SLAMF1: variants seen among roughly 807,000 people sequenced by gnomAD.
SLAMF1 encodes the protein signaling lymphocytic activation molecule family member 1.
A neutral mutation model predicts 35.1 loss-of-function variants in SLAMF1; 18 were observed. That is an observed-to-expected ratio of 0.51 (90% CI 0.35 to 0.76). The LOEUF (loss-of-function observed/expected upper bound fraction) is 0.76, where lower values mean the gene tolerates loss of function less well. Ranked by LOEUF, SLAMF1 falls within the 30% of genes least tolerant of loss-of-function variation. SLAMF1 has a pLI of 0.01. For synonymous variants in SLAMF1, 168 were observed against 157.2 expected, an observed-to-expected ratio of 1.07 and a Z score of -0.51; for missense variants, 392 against 413.0, an observed-to-expected ratio of 0.95 and a Z score of 0.44.
At chr1:160,637,770 G>A (rs1487155695) in intron 1 of SLAMF1, among the ~76,000 whole-genome samples, 3 of 152,186 alleles carry the variant, frequency 2.0e-5, no homozygotes, top group Non-Finnish European at 4.4e-5. Context: ...ATTAACTAGA[G>A]TACTGGGTCT....
At chr1:160,630,968 T>A (rs1335995995) in intron 3 of SLAMF1, among the ~76,000 whole-genome samples, 1 of 152,194 alleles carries the variant, frequency 6.6e-6, no homozygotes, top group African/African-American at 2.4e-5. Context: ...TGTTAATAAT[T>A]CCCTCCTGTT....
At chr1:160,619,075 A>C (rs1659467532) in intron 5 of SLAMF1, among the ~76,000 whole-genome samples, 2 of 152,128 alleles carry the variant, frequency 1.3e-5, no homozygotes, top group African/African-American at 4.8e-5. Context: ...TTACTCAAGA[A>C]TTTGCCTCTA....
chr1:160,637,068 A>T, intron 2 of SLAMF1, 123 bp downstream of exon 2: 1 of 674,838 alleles, frequency 1.5e-6, no homozygotes, highest in Admixed American at 2.8e-5. Flanking sequence ...ATACCCCCAA[A>T]CTAGAAGATC....
At chr1:160,620,246 T>A (rs1302296941) in intron 4 of SLAMF1, among the ~76,000 whole-genome samples, 1 of 152,188 alleles carries the variant, frequency 6.6e-6, no homozygotes, top group Non-Finnish European at 1.5e-5. Context: ...GATTCTAAGT[T>A]CTTTGAGGGC....
At chr1:160,617,436 G>A (rs1659364076) in intron 5 of SLAMF1, among the ~76,000 whole-genome samples, 1 of 152,050 alleles carries the variant, frequency 6.6e-6, no homozygotes, top group Non-Finnish European at 1.5e-5. Flanking sequence ...TCCATCAATA[G>A]TCAACTGGAT....
At chr1:160,632,393 C>G (rs972780933) in intron 3 of SLAMF1, among the ~76,000 whole-genome samples, 1 of 152,154 alleles carries the variant, frequency 6.6e-6, no homozygotes, top group Non-Finnish European at 1.5e-5. Flanking sequence ...TGCCAGGTTT[C>G]TACTGCTTCC....
rs1425008682 is a variant in SLAMF1 at position 160,614,264 on chromosome 1, G to A, written c.865-1684C>T. ...TTTCTTGCAGTGATGAGATAAAGAG[G>A]CTATCAAAACAGTTTATTAAGAGAC... On this transcript the variant is annotated intron_variant, in intron 5 of 6. Transcript: ENST00000302035. Among the ~76,000 whole-genome samples, 5 of 152,262 alleles carry A rather than the reference G, an allele frequency of 3.3e-5. No individual in the cohort carries two copies. In the South Asian group the frequency reaches 1.0e-3, roughly 32 times the overall value.
At chr1:160,617,155 CAA>C (rs34228369) in intron 5 of SLAMF1, among the ~76,000 whole-genome samples, 7 of 146,958 alleles carry the variant, frequency 4.8e-5, no homozygotes, top group African/African-American at 7.5e-5. Context: ...AACTCTGTCT[CAA>C]AAAAAAATTT....
rs1330197651 is a variant in SLAMF1, at chr1:160,608,768, A to G, written c.*1980T>C. On this transcript the variant is annotated 3_prime_UTR_variant, in exon 7 of 7. Coordinates refer to ENST00000302035, the MANE Select transcript of SLAMF1 (RefSeq NM_003037.5). Reference sequence around the variant, plus strand: ...CATAAGCCCGGGTTTACAAATCTTCATTAGTAGCTCCACAGTTTTGAGAGT... The same window carrying G: ...CATAAGCCCGGGTTTACAAATCTTCGTTAGTAGCTCCACAGTTTTGAGAGT... 1.3e-5 allele frequency: 2 copies of G among 152,174 alleles called. No homozygotes were observed. Among genetic ancestry groups the G allele is most frequent in the African/African-American group, 2.4e-5 (1 of 41,438 alleles). 9.4% of individuals were successfully genotyped at this position (152,174 alleles called of 1,614,324 possible). A position where few individuals can be genotyped will look rare whatever the true frequency, so the allele number is the denominator to read the frequency against.
chr1:160,641,624 C>A (rs1660750723), intron 1 of SLAMF1, among the ~76,000 whole-genome samples: 1 of 152,154 alleles, frequency 6.6e-6, no homozygotes, highest in Non-Finnish European at 1.5e-5. Flanking sequence ...TTATACCCCA[C>A]AACCCACATA....
At chr1:160,635,455 G>C (rs1457557594) in intron 2 of SLAMF1, among the ~76,000 whole-genome samples, 1 of 152,096 alleles carries the variant, frequency 6.6e-6, no homozygotes, top group East Asian at 1.9e-4. Context: ...ATAACCATAG[G>C]CCTCATCAAT....
chr1:160,638,098 G>T (rs901689325), intron 1 of SLAMF1, among the ~76,000 whole-genome samples: 1 of 151,950 alleles, frequency 6.6e-6, no homozygotes, highest in East Asian at 1.9e-4. Context: ...TAATAATGTC[G>T]ACAGTGAGAT....
At chr1:160,633,520 T>C (rs992592371) in intron 3 of SLAMF1, among the ~76,000 whole-genome samples, 2 of 152,138 alleles carry the variant, frequency 1.3e-5, no homozygotes, top group African/African-American at 2.4e-5. Context: ...GCCCTCCACA[T>C]GGACACCATG....
chr1:160,624,140 A>T lies in SLAMF1; in HGVS notation c.746T>A (p.Ile249Asn). 1 of 1,611,104 alleles carries T rather than the reference A, an allele frequency of 6.2e-7. No individual in the cohort carries two copies. Among genetic ancestry groups the T allele is most frequent in the Non-Finnish European group, 8.5e-7 (1 of 1,178,772 alleles). The change falls in exon 4 of 7, where the codon ATC becomes AAC. Residue 249 changes from isoleucine to asparagine, a missense_variant. Coordinates refer to ENST00000302035, the MANE Select transcript of SLAMF1 (RefSeq NM_003037.5). ...TATTACCACCATGATGAGAATCATG[A>T]TGACACCCCCTAACAGCCCAGCATA... The part of the protein sequence containing the change: ...AVYAGLLGGV[I>N]MILIMVVILQ...
chr1:160,611,941 T>A (rs1659010111), intron 6 of SLAMF1, among the ~76,000 whole-genome samples: 1 of 152,194 alleles, frequency 6.6e-6, no homozygotes, highest in East Asian at 1.9e-4. Flanking sequence ...GTGGGTTTTT[T>A]AAATACGTAG....
rs114492369 is a variant in SLAMF1, at chr1:160,631,599, A to T, written c.700+3014T>A. 1.4e-3 allele frequency among the ~76,000 whole-genome samples: 214 copies of T among 152,276 alleles called. 1 individual carries two copies. The highest frequency in any genetic ancestry group is 5.0e-3 in the African/African-American group (208 of 41,546). ...AAATGAGGTCATTAGGGTGGCCCCTAATCTAACCTAACTGGTGTCCTTATA... is the reference window on the plus strand; with the variant it reads ...AAATGAGGTCATTAGGGTGGCCCCTTATCTAACCTAACTGGTGTCCTTATA... On this transcript the variant is annotated intron_variant, in intron 3 of 6. Transcript: ENST00000302035.
At chr1:160,612,034 C>A (rs564345661) in intron 6 of SLAMF1, among the ~76,000 whole-genome samples, 2 of 151,988 alleles carry the variant, frequency 1.3e-5, no homozygotes, top group African/African-American at 4.8e-5. Context: ...TTAACAAGTA[C>A]GCTGGCTGAT....
intron 5 of SLAMF1, chr1:160,615,715 T>TC (rs1570967088): frequency 3.0e-6 from 1 of 333,558 alleles, no homozygotes; most frequent in Admixed American, 3.5e-5. Flanking sequence ...GATAAGGATT[T>TC]CAAAATAAGG....
In SLAMF1 at chr1:160,610,396, G is replaced by A. The variant is rs1030554233; in HGVS notation, c.*352C>T. On this transcript the variant is annotated 3_prime_UTR_variant, in exon 7 of 7. Coordinates refer to ENST00000302035, the MANE Select transcript of SLAMF1 (RefSeq NM_003037.5). ...GTGAGATAGGTACTCAGATGTCCTGGCTTTCAGTCTGATTTTTATTATCCA... is the reference window on the plus strand; with the variant it reads ...GTGAGATAGGTACTCAGATGTCCTGACTTTCAGTCTGATTTTTATTATCCA... 1 of 467,754 alleles carries A rather than the reference G, an allele frequency of 2.1e-6. No homozygotes were observed. Among genetic ancestry groups the A allele is most frequent in the Admixed American group, 2.3e-5 (1 of 42,658 alleles). The allele number at this position is 467,754 out of a possible 1,614,324, so 29.0% of individuals were successfully genotyped here.
Sources: allele counts gnomAD v4.1 joint callset (sites outside exome capture counted in the v4.1 genomes callset), GRCh38; gene constraint gnomAD v4.1.1; transcripts MANE v1.5; gene names NCBI Gene and HGNC (gene_info 2026-07-23, HGNC 2026-07-21).